PLAG1: variants seen among roughly 807,000 people sequenced by gnomAD.
PLAG1 encodes PLAG1 zinc finger, also known as zinc finger protein PLAG1.
Under a neutral mutation model 35.5 loss-of-function variants are expected in PLAG1, and 7 were observed. The observed-to-expected ratio is 0.20, with a 90% CI of 0.11 to 0.37. The LOEUF (loss-of-function observed/expected upper bound fraction) is 0.37, where lower values mean the gene tolerates loss of function less well. PLAG1 is among the 10% of genes least tolerant of loss of function. The pLI, the probability that PLAG1 is intolerant of heterozygous loss-of-function variation, is 1.00. For synonymous variants in PLAG1, 229 were observed against 225.4 expected (o/e 1.02, Z -0.14); for missense variants, 454 against 602.8 (o/e 0.75, Z 2.58).
chr8:56,177,318 C>T (rs913529966), intron 2 of PLAG1, among the ~76,000 whole-genome samples: 2 of 152,186 alleles, frequency 1.3e-5, no homozygotes, highest in Non-Finnish European at 2.9e-5. Context: ...CTTCTAGAAA[C>T]AACTATTTCT....
At chr8:56,195,310 C>T (rs1477303753) in intron 1 of PLAG1, among the ~76,000 whole-genome samples, 1 of 152,188 alleles carries the variant, frequency 6.6e-6, no homozygotes, top group Non-Finnish European at 1.5e-5. Flanking sequence ...GGAATCAAGA[C>T]AATACCCATG....
intron 1 of PLAG1, among the ~76,000 whole-genome samples, chr8:56,200,712 A>G (rs927121279): frequency 6.6e-6 from 1 of 152,050 alleles, no homozygotes; most frequent in Non-Finnish European, 1.5e-5. Context: ...CCTCTGCCAA[A>G]ACCATTCCTC....
intron 2 of PLAG1, among the ~76,000 whole-genome samples, chr8:56,174,371 G>A (rs1240297062): frequency 2.0e-5 from 3 of 152,146 alleles, no homozygotes; most frequent in African/African-American, 7.2e-5. Context: ...AGTATACTTA[G>A]AACATTTTTA....
intron 1 of PLAG1, among the ~76,000 whole-genome samples, chr8:56,193,602 A>G (rs1023085999): frequency 2.7e-4 from 41 of 152,082 alleles, no homozygotes; most frequent in African/African-American, 9.7e-4. Context: ...ATTCTACTCT[A>G]CTGAGGCTAA....
At position 56,165,075 on chromosome 8, in the gene PLAG1, G is replaced by A. The variant is rs887128631; in HGVS notation, c.*1168C>T. ...AGTAGGACTGTTGTTTTTGTTTTCTGCTTTTGATTCTTAAGGGAAAGAAAA... is the reference window on the plus strand; with the variant it reads ...AGTAGGACTGTTGTTTTTGTTTTCTACTTTTGATTCTTAAGGGAAAGAAAA... On this transcript the variant is annotated 3_prime_UTR_variant, in exon 5 of 5. Coordinates refer to ENST00000316981, the MANE Select transcript of PLAG1 (RefSeq NM_002655.3). The A allele has an allele frequency of 4.8e-6, 1 of 206,422 alleles. No homozygotes were observed. The highest frequency in any genetic ancestry group is 2.3e-5 in the African/African-American group (1 of 43,814). The allele number at this position is 206,422 out of a possible 1,614,324, so 12.8% of individuals were successfully genotyped here. A position where few individuals can be genotyped will look rare whatever the true frequency, so the allele number is the denominator to read the frequency against.
chr8:56,192,648 C>T (rs1812220443), intron 1 of PLAG1, among the ~76,000 whole-genome samples: 1 of 152,238 alleles, frequency 6.6e-6, no homozygotes, highest in Non-Finnish European at 1.5e-5. Flanking sequence ...TACACCATAA[C>T]ACTACAGCTA....
At chr8:56,192,468 G>A (rs944675534) in intron 1 of PLAG1, among the ~76,000 whole-genome samples, 1 of 152,170 alleles carries the variant, frequency 6.6e-6, no homozygotes, top group Non-Finnish European at 1.5e-5. Context: ...TAACATACAA[G>A]TACATGGGAA....
At chr8:56,175,014 T>C (rs777870852) in intron 2 of PLAG1, among the ~76,000 whole-genome samples, 2 of 152,170 alleles carry the variant, frequency 1.3e-5, no homozygotes, top group African/African-American at 4.8e-5. Flanking sequence ...CCCTCATGGA[T>C]AGCAAGGGAC....
In PLAG1 at chr8:56,167,125, G is replaced by A; in HGVS notation, c.621C>T (p.His207=). The A allele has an allele frequency of 6.2e-7, 1 of 1,614,026 alleles. No homozygotes were observed. Among genetic ancestry groups the A allele is most frequent in the Non-Finnish European group, 8.5e-7 (1 of 1,179,998 alleles). ...RKDVRRHMVV[H]TGRKDFLCQY... Reference sequence around the variant, plus strand: ...GACAGAGGAAGTCCTTTCTTCCAGTGTGCACCACCATGTGTCTCCGGACAT... The same window carrying A: ...GACAGAGGAAGTCCTTTCTTCCAGTATGCACCACCATGTGTCTCCGGACAT... Residue 207 remains histidine (H), a synonymous_variant, in exon 5 of 5, where the codon CAC becomes CAT. Coordinates refer to ENST00000316981, the MANE Select transcript of PLAG1 (RefSeq NM_002655.3). The surrounding 1 kb of genome is among the most constrained non-coding windows in gnomAD (Gnocchi z 5.9).
intron 1 of PLAG1, among the ~76,000 whole-genome samples, chr8:56,183,658 T>C (rs926716694): frequency 4.6e-5 from 7 of 152,196 alleles, no homozygotes; most frequent in African/African-American, 1.7e-4. Flanking sequence ...ATTATACAAA[T>C]GTCTTTATAA....
At chr8:56,172,511 T>C (rs1235486211) in intron 2 of PLAG1, among the ~76,000 whole-genome samples, 1 of 152,208 alleles carries the variant, frequency 6.6e-6, no homozygotes, top group East Asian at 1.9e-4. Flanking sequence ...TAATTACGAA[T>C]ATGAAAGACC....
chr8:56,191,033 G>A (rs1278806212), intron 1 of PLAG1, among the ~76,000 whole-genome samples: 1 of 152,166 alleles, frequency 6.6e-6, no homozygotes, highest in African/African-American at 2.4e-5. Flanking sequence ...AGGGAATGGG[G>A]GTATGTTCCC....
At chr8:56,181,326 A>C (rs950720160) in intron 1 of PLAG1, among the ~76,000 whole-genome samples, 2 of 152,256 alleles carry the variant, frequency 1.3e-5, no homozygotes, top group East Asian at 3.8e-4. Flanking sequence ...CCAAATGTCC[A>C]TCAATGATAG....
In PLAG1 at chr8:56,166,769, G is replaced by C; in HGVS notation, c.977C>G (p.Pro326Arg). The C allele has an allele frequency of 1.2e-6, 2 of 1,614,042 alleles. No individual in the cohort carries two copies. The highest frequency in any genetic ancestry group is 1.7e-6 in the Non-Finnish European group (2 of 1,179,954). ...ATATTTGAAAGAAAGGTGGTGAGAG[G>C]GATGAACAGTGTCCATATCTATTGG... ...TCPIDMDTVH[P>R]SHHLSFKYPF... The change falls in exon 5 of 5, where the codon CCC (proline) becomes CGC (arginine). Residue 326 changes from proline (P) to arginine (R), a missense_variant. This residue lies in a region of PLAG1 where 271 missense variants were observed against 315.6 expected (regional missense o/e 0.86). Coordinates refer to ENST00000316981, the MANE Select transcript of PLAG1 (RefSeq NM_002655.3).
intron 2 of PLAG1, chr8:56,178,001 G>A (rs1811757236): frequency 1.0e-6 from 1 of 979,338 alleles, no homozygotes; most frequent in Admixed American, 6.1e-5. Context: ...AACCTGGGTA[G>A]CACTCAGCCA....
chr8:56,190,139 A>T (rs968144769), intron 1 of PLAG1, among the ~76,000 whole-genome samples: 1 of 152,134 alleles, frequency 6.6e-6, no homozygotes, highest in Non-Finnish European at 1.5e-5. Context: ...AGCCCTACAG[A>T]GTTGTTGTGA....
chr8:56,185,200 G>C (rs1231081991), intron 1 of PLAG1, among the ~76,000 whole-genome samples: 2 of 152,098 alleles, frequency 1.3e-5, no homozygotes, highest in Non-Finnish European at 2.9e-5. Flanking sequence ...GGTTGTCTAG[G>C]GACAGAAGGT....
Position 56,175,891 on chromosome 8 carries a change from G to C in PLAG1, c.-217+3518C>G, listed in dbSNP as rs954641376. 4.6e-5 allele frequency among the ~76,000 whole-genome samples: 7 copies of C among 152,294 alleles called. No homozygotes were observed. In the East Asian group the frequency reaches 1.3e-3, roughly 29 times the overall value. ...GGCCACTCATTTTCTAGAGTAGCCAGAGAGAATGAACAGATAACCCAATGA... is the reference window on the plus strand; with the variant it reads ...GGCCACTCATTTTCTAGAGTAGCCACAGAGAATGAACAGATAACCCAATGA... On this transcript the variant is annotated intron_variant, in intron 2 of 4. Transcript: ENST00000316981.
At chr8:56,208,122 T>C (rs1316687221) in intron 1 of PLAG1, among the ~76,000 whole-genome samples, 1 of 152,148 alleles carries the variant, frequency 6.6e-6, no homozygotes, top group African/African-American at 2.4e-5. Flanking sequence ...TTTGTCAAAG[T>C]GGCAATTATT....
Sources: allele counts gnomAD v4.1 joint callset (sites outside exome capture counted in the v4.1 genomes callset), GRCh38; gene constraint gnomAD v4.1.1; regional missense constraint gnomAD v4.1.1; non-coding constraint Gnocchi (gnomAD v3.1); transcripts MANE v1.5; gene names NCBI Gene and HGNC (gene_info 2026-07-23, HGNC 2026-07-21).